Variants in UNC5D observed in about 807,000 individuals in gnomAD.
UNC5D encodes the protein netrin receptor UNC5D.
Under a neutral mutation model 105.4 loss-of-function variants are expected in UNC5D, and 39 were observed. The ratio of observed to expected loss-of-function variants is 0.37; its 90% CI spans 0.29 to 0.48. The LOEUF is 0.48. Among genes scored for constraint, UNC5D ranks in the 20% least tolerant of loss-of-function variants. UNC5D has a pLI of 0.98. For synonymous variants in UNC5D, 452 were observed against 450.4 expected (o/e 1.00, Z -0.04); for missense variants, 991 against 1,202.4 (o/e 0.82, Z 2.60).
intron 15 of UNC5D, among the ~76,000 whole-genome samples, chr8:35,773,449 T>C (rs749324484): frequency 6.6e-6 from 1 of 152,178 alleles, no homozygotes; most frequent in Non-Finnish European, 1.5e-5. Flanking sequence ...ATACTTATTA[T>C]AAAATCACAC....
intron 7 of UNC5D, among the ~76,000 whole-genome samples, chr8:35,688,579 C>T (rs992995719): frequency 6.6e-6 from 1 of 152,204 alleles, no homozygotes; most frequent in Non-Finnish European, 1.5e-5. Context: ...CACCTACCCA[C>T]CAGTTGTAGT....
chr8:35,493,462 C>T (rs1233401617), intron 1 of UNC5D, among the ~76,000 whole-genome samples: 1 of 151,964 alleles, frequency 6.6e-6, no homozygotes, highest in Non-Finnish European at 1.5e-5. Flanking sequence ...GGTCTGGAAG[C>T]CAGTTGCTTT....
At chr8:35,730,774 TA>T (rs60108920) in intron 10 of UNC5D, among the ~76,000 whole-genome samples, 12,512 of 144,922 alleles carry the variant, frequency 0.086, 1,408 homozygotes, top group African/African-American at 0.26. Flanking sequence ...TGACTTAAAA[TA>T]AAAAAAAAAA....
At chr8:35,493,323 CA>C (rs1449859250) in intron 1 of UNC5D, among the ~76,000 whole-genome samples, 1 of 70,922 alleles carries the variant, frequency 1.4e-5, no homozygotes, top group East Asian at 4.0e-4. Context: ...AAAACAAAAA[CA>C]AAAAAATTCA....
At chr8:35,532,952 AT>A (rs1270171277) in intron 1 of UNC5D, among the ~76,000 whole-genome samples, 4 of 130,088 alleles carry the variant, frequency 3.1e-5, no homozygotes, top group African/African-American at 9.3e-5. Context: ...ATTCTTCTAA[AT>A]TTTTTTCAAA....
intron 1 of UNC5D, among the ~76,000 whole-genome samples, chr8:35,502,764 A>G (rs952116957): frequency 1.3e-5 from 2 of 150,262 alleles, no homozygotes; most frequent in African/African-American, 4.9e-5. Context: ...ACGGGGTTTC[A>G]CCATGTTGGC....
intron 14 of UNC5D, among the ~76,000 whole-genome samples, chr8:35,762,166 G>T (rs1215934127): frequency 6.6e-6 from 1 of 152,042 alleles, no homozygotes; most frequent in Non-Finnish European, 1.5e-5. Context: ...TGGGAAGGTA[G>T]AACTTCCCAG....
chr8:35,683,471 A>C, intron 4 of UNC5D, 76 bp from the exon 5 acceptor site: 1 of 1,461,070 alleles, frequency 6.8e-7, no homozygotes, highest in Non-Finnish European at 9.1e-7. Context: ...CCCACACCCG[A>C]ATCTGCTCAC....
At chr8:35,309,301 C>T (rs1808688537) in intron 1 of UNC5D, among the ~76,000 whole-genome samples, 1 of 152,164 alleles carries the variant, frequency 6.6e-6, no homozygotes, top group Admixed American at 6.5e-5. Context: ...ATTTCTAGCC[C>T]TACTTCCCCT....
At chr8:35,237,570 G>C (rs1044273968) in intron 1 of UNC5D, among the ~76,000 whole-genome samples, 12 of 152,250 alleles carry the variant, frequency 7.9e-5, no homozygotes, top group African/African-American at 2.6e-4. Flanking sequence ...CAGCCTCTTG[G>C]ATGGAGTTTT....
chr8:35,299,411 G>A lies in UNC5D; in HGVS notation c.103+63524G>A, dbSNP rs183182004. Among the ~76,000 whole-genome samples, 612 of 152,294 alleles carry A rather than the reference G, an allele frequency of 4.0e-3. 3 individuals carry two copies. The highest frequency in any genetic ancestry group is 6.2e-3 in the Non-Finnish European group (425 of 68,016). The stretch of plus-strand genomic sequence containing the variant: ...GTTTCACAGGCAGTGAGGAACTGTC[G>A]TCATCCTTAAGCTGGACAGTGATGT... On this transcript the variant is annotated intron_variant, in intron 1 of 16. Coordinates refer to ENST00000404895, the MANE Select transcript of UNC5D (RefSeq NM_080872.4).
intron 1 of UNC5D, among the ~76,000 whole-genome samples, chr8:35,261,233 A>T (rs924728868): frequency 2.0e-5 from 3 of 152,174 alleles, no homozygotes; most frequent in African/African-American, 7.2e-5. Flanking sequence ...TAAGACTCAT[A>T]AATAAGGCAA....
chr8:35,684,592 C>A lies in UNC5D; in HGVS notation c.762C>A (p.Gly254=), dbSNP rs1825887157. Residue 254 remains glycine, a synonymous_variant, in exon 6 of 17, where the codon GGC becomes GGA. Transcript: ENST00000404895. The stretch of plus-strand genomic sequence containing the variant: ...ATTTTTCTCTCTCAGTGAATGGAGG[C>A]TGGTCTTCCTGGACAGAGTGGTCAG... ...SATVVVYVNG[G]WSSWTEWSAC... 6.2e-7 allele frequency: 1 copy of A among 1,609,232 alleles called. No homozygotes were observed. Among genetic ancestry groups the A allele is most frequent in the African/African-American group, 1.3e-5 (1 of 74,634 alleles).
At chr8:35,726,571 A>G (rs780198263) in intron 10 of UNC5D, 42 bp downstream of exon 10, 4 of 1,589,060 alleles carry the variant, frequency 2.5e-6, no homozygotes, top group South Asian at 2.3e-5. Flanking sequence ...CATCATTTAA[A>G]TGTTTCATTT....
intron 3 of UNC5D, among the ~76,000 whole-genome samples, chr8:35,570,278 C>A (rs906632530): frequency 6.6e-6 from 1 of 152,164 alleles, no homozygotes; most frequent in Non-Finnish European, 1.5e-5. Context: ...ACTCCAGAGT[C>A]CTGTTGGTTT....
intron 1 of UNC5D, among the ~76,000 whole-genome samples, chr8:35,408,747 G>T (rs1317930572): frequency 1.3e-5 from 2 of 151,082 alleles, no homozygotes; most frequent in Non-Finnish European, 1.5e-5. Context: ...CCATATGTGG[G>T]TACATAGAGA....
intron 4 of UNC5D, among the ~76,000 whole-genome samples, chr8:35,650,448 C>A (rs909743627): frequency 6.6e-6 from 1 of 152,044 alleles, no homozygotes; most frequent in Admixed American, 6.6e-5. Context: ...GGAAACATTG[C>A]AGAAAGGAAC....
chr8:35,654,859 T>C (rs1586347749), intron 4 of UNC5D, among the ~76,000 whole-genome samples: 2 of 152,310 alleles, frequency 1.3e-5, no homozygotes, highest in African/African-American at 2.4e-5. Flanking sequence ...AAGTAACTTG[T>C]ATCATTCTTC....
chr8:35,615,404 T>A (rs1294402054), intron 4 of UNC5D, among the ~76,000 whole-genome samples: 1 of 152,180 alleles, frequency 6.6e-6, no homozygotes, highest in Non-Finnish European at 1.5e-5. Context: ...CTCATCCATC[T>A]GTTTGTGGTT....
Sources: gnomAD v4.1 joint callset for allele counts (sites outside exome capture counted in the v4.1 genomes callset) on GRCh38, gnomAD v4.1.1 for gene constraint, MANE v1.5 for transcripts, NCBI Gene and HGNC (gene_info 2026-07-23, HGNC 2026-07-21) for gene names.